Variants in PPP2R5E observed in about 807,000 individuals in gnomAD.
PPP2R5E encodes protein phosphatase 2 regulatory subunit B'epsilon, also known as serine/threonine-protein phosphatase 2A 56 kDa regulatory subunit epsilon isoform.
A neutral mutation model predicts 65.3 loss-of-function variants in PPP2R5E; 4 were observed. The ratio of observed to expected loss-of-function variants is 0.06; its 90% confidence interval spans 0.03 to 0.14. The LOEUF is 0.14. PPP2R5E is among the 10% of genes least tolerant of loss of function. The pLI is 1.00. For synonymous variants in PPP2R5E, 183 were observed against 187.4 expected (o/e 0.98, Z 0.19); for missense variants, 274 against 556.1 (o/e 0.49, Z 5.10).
chr14:63,528,883 A>G (rs1300466447), intron 2 of PPP2R5E, among the ~76,000 whole-genome samples: 1 of 152,224 alleles, frequency 6.6e-6, no homozygotes, highest in African/African-American at 2.4e-5. Context: ...CCCTAGAGAT[A>G]AGAAAAACAA....
chr14:63,534,154 C>T (rs1160679132), intron 2 of PPP2R5E, among the ~76,000 whole-genome samples: 3 of 152,150 alleles, frequency 2.0e-5, no homozygotes, highest in Non-Finnish European at 4.4e-5. Context: ...TTATTATTAA[C>T]ATAAATTTGT....
At chr14:63,419,188 G>C (rs1353436904) in intron 4 of PPP2R5E, among the ~76,000 whole-genome samples, 1 of 152,116 alleles carries the variant, frequency 6.6e-6, no homozygotes, top group East Asian at 1.9e-4. Flanking sequence ...AATCAAAAAG[G>C]TATGCAGGAG....
At chr14:63,487,252 GA>G (rs773255728) in intron 2 of PPP2R5E, among the ~76,000 whole-genome samples, 2 of 152,134 alleles carry the variant, frequency 1.3e-5, no homozygotes, top group Non-Finnish European at 2.9e-5. Context: ...ACTTGAAAGT[GA>G]AAATAAACAT....
chr14:63,464,270 C>T (rs539506062), intron 2 of PPP2R5E, among the ~76,000 whole-genome samples: 7 of 152,220 alleles, frequency 4.6e-5, no homozygotes, highest in South Asian at 2.1e-4. Flanking sequence ...ACATGTTATA[C>T]GGTGTATGCT....
At chr14:63,535,215 A>G (rs1893620534) in intron 2 of PPP2R5E, among the ~76,000 whole-genome samples, 1 of 151,504 alleles carries the variant, frequency 6.6e-6, no homozygotes. Flanking sequence ...ACCTGAGGTC[A>G]GGAGTTTGAG....
chr14:63,536,573 A>C (rs1893673344), intron 2 of PPP2R5E, among the ~76,000 whole-genome samples: 1 of 152,232 alleles, frequency 6.6e-6, no homozygotes, highest in Non-Finnish European at 1.5e-5. Context: ...TCTGTACATC[A>C]TGGTCACAGC....
At chr14:63,443,442 G>T (rs78090652) in intron 3 of PPP2R5E, among the ~76,000 whole-genome samples, 4,465 of 152,144 alleles carry the variant, frequency 0.029, 214 homozygotes, top group African/African-American at 0.098. Context: ...AGAAGTGACA[G>T]GATTTTACTC....
At chr14:63,542,227 G>T (rs1271086508) in intron 1 of PPP2R5E, among the ~76,000 whole-genome samples, 2 of 152,156 alleles carry the variant, frequency 1.3e-5, no homozygotes, top group Non-Finnish European at 2.9e-5. Context: ...AAAACTGAAC[G>T]TAAGGTAACA....
At chr14:63,437,742 C>T (rs1888014377) in intron 3 of PPP2R5E, among the ~76,000 whole-genome samples, 1 of 152,188 alleles carries the variant, frequency 6.6e-6, no homozygotes, top group African/African-American at 2.4e-5. Flanking sequence ...AGACCCCACT[C>T]CCTACCTTTC....
At chr14:63,379,432 C>T (rs571829246) in intron 13 of PPP2R5E, among the ~76,000 whole-genome samples, 88 of 152,228 alleles carry the variant, frequency 5.8e-4, no homozygotes, top group East Asian at 1.7e-3. Context: ...CCTCCACGCC[C>T]GGCTAATTTT....
intron 2 of PPP2R5E, among the ~76,000 whole-genome samples, chr14:63,529,816 T>G (rs1893338571): frequency 6.6e-6 from 1 of 152,232 alleles, no homozygotes; most frequent in Non-Finnish European, 1.5e-5. Context: ...CATTTGGCAC[T>G]TCAATATTTA....
chr14:63,395,387 AGAG>A (rs78221566), intron 6 of PPP2R5E, 102 bp from the exon 7 acceptor site: 30,663 of 410,966 alleles, frequency 0.075, 2,844 homozygotes, highest in East Asian at 0.36. Context: ...GAGGAGGAGA[AGAG>A]GAGGAGGAGG....
chr14:63,446,442 C>A (rs1336122877), intron 3 of PPP2R5E, among the ~76,000 whole-genome samples: 4 of 152,162 alleles, frequency 2.6e-5, no homozygotes, highest in African/African-American at 9.7e-5. Flanking sequence ...CAGCTACAGC[C>A]TTAAGAAATG....
intron 3 of PPP2R5E, among the ~76,000 whole-genome samples, chr14:63,441,563 G>T (rs1161116272): frequency 2.0e-5 from 3 of 152,190 alleles, no homozygotes; most frequent in African/African-American, 7.2e-5. Flanking sequence ...CCATTTTTGA[G>T]TCACATGTAC....
rs141885469 is a variant in PPP2R5E, at chr14:63,428,063, G to A, written c.355-5969C>T. ...CTCTCCTTTCTCATCAGCTCCTTCC[G>A]AGTTTTTTTGCCTGCCAGTGCCACT... On this transcript the variant is annotated intron_variant, in intron 3 of 13. Transcript: ENST00000337537. 5.0e-3 allele frequency among the ~76,000 whole-genome samples: 753 copies of A among 151,770 alleles called. 8 individuals carry two copies. The highest frequency in any genetic ancestry group is 0.017 in the African/African-American group (708 of 41,316).
chr14:63,414,013 T>C (rs1218334434), intron 5 of PPP2R5E, among the ~76,000 whole-genome samples: 1 of 152,140 alleles, frequency 6.6e-6, no homozygotes, highest in Non-Finnish European at 1.5e-5. Context: ...ATCTGAACTT[T>C]GGGTTTAATT....
At chr14:63,398,234 T>C (rs372314732) in intron 5 of PPP2R5E, among the ~76,000 whole-genome samples, 1 of 152,168 alleles carries the variant, frequency 6.6e-6, no homozygotes, top group Non-Finnish European at 1.5e-5. Context: ...TTTTGTATCA[T>C]TGACAAGTTG....
At chr14:63,476,288 C>T (rs1434912954) in intron 2 of PPP2R5E, among the ~76,000 whole-genome samples, 1 of 151,958 alleles carries the variant, frequency 6.6e-6, no homozygotes, top group African/African-American at 2.4e-5. Context: ...TCATGGAAGG[C>T]ACAACACTGG....
intron 3 of PPP2R5E, among the ~76,000 whole-genome samples, chr14:63,433,100 C>G (rs1222938874): frequency 7.4e-6 from 1 of 134,640 alleles, no homozygotes; most frequent in South Asian, 2.4e-4. Flanking sequence ...TGCAGTGGTG[C>G]GATTACAGCT....
Sources: allele counts gnomAD v4.1 joint callset (sites outside exome capture counted in the v4.1 genomes callset), GRCh38; gene constraint gnomAD v4.1.1; transcripts MANE v1.5; gene names NCBI Gene and HGNC (gene_info 2026-07-23, HGNC 2026-07-21).